The following GOSR1 variants were observed in gnomAD, a reference collection of about 807,000 sequenced individuals.
GOSR1 encodes the protein 28 kDa Golgi SNARE protein.
GOSR1 carries 21 observed loss-of-function variants against 35.5 expected under a neutral mutation model. The ratio of observed to expected loss-of-function variants is 0.59; its 90% confidence interval spans 0.42 to 0.85. The LOEUF (loss-of-function observed/expected upper bound fraction) is 0.85, where lower values mean the gene tolerates loss of function less well. Ranked by LOEUF, GOSR1 falls within the 40% of genes least tolerant of loss-of-function variation. The pLI is 0.00. For synonymous variants in GOSR1, 94 were observed against 106.6 expected (o/e 0.88, Z 0.73); for missense variants, 285 against 309.6 (o/e 0.92, Z 0.60).
intron 4 of GOSR1, among the ~76,000 whole-genome samples, chr17:30,488,718 A>G (rs2143669785): frequency 6.6e-6 from 1 of 150,882 alleles, no homozygotes; most frequent in East Asian, 2.0e-4. Context: ...TTGTGTTTTT[A>G]GTAGAGACGG....
rs940143459 is a variant in GOSR1, at chr17:30,515,879, G to A, written c.540-4060G>A. On this transcript the variant is annotated intron_variant, in intron 7 of 8. Coordinates refer to ENST00000451249, the MANE Select transcript of GOSR1 (RefSeq NM_001007025.2). ...AGAATAGGCCTAAAAGTATTGGGAA[G>A]ATGGGATTGTCAGCATTAAAACACA... is the stretch of plus-strand genomic sequence containing the variant. 2.6e-5 allele frequency among the ~76,000 whole-genome samples: 4 copies of A among 152,306 alleles called. No individual in the cohort carries two copies. The East Asian group carries it at 7.7e-4, about 29-fold the overall frequency.
At chr17:30,518,958 C>G (rs542166350) in intron 7 of GOSR1, among the ~76,000 whole-genome samples, 1 of 151,754 alleles carries the variant, frequency 6.6e-6, no homozygotes, top group Non-Finnish European at 1.5e-5. Context: ...CCCAACCCCC[C>G]CCAAAAAAAG....
At chr17:30,508,026 T>C (rs1452361310) in intron 6 of GOSR1, among the ~76,000 whole-genome samples, 1 of 152,202 alleles carries the variant, frequency 6.6e-6, no homozygotes, top group Non-Finnish European at 1.5e-5. Flanking sequence ...CAGCATCTTA[T>C]GGTACAGAGA....
intron 5 of GOSR1, among the ~76,000 whole-genome samples, chr17:30,490,669 A>G (rs1031235029): frequency 6.6e-6 from 1 of 152,204 alleles, no homozygotes; most frequent in African/African-American, 2.4e-5. Context: ...CAACAGTTAC[A>G]TATTACAAAC....
At chr17:30,518,088 T>C (rs1438096454) in intron 7 of GOSR1, among the ~76,000 whole-genome samples, 2 of 152,174 alleles carry the variant, frequency 1.3e-5, no homozygotes, top group Admixed American at 1.3e-4. Context: ...CTTTCCCAGC[T>C]TCAGTGCCTG....
chr17:30,520,222 G>T (rs1455242962), intron 8 of GOSR1: 3 of 448,006 alleles, frequency 6.7e-6, no homozygotes, highest in Non-Finnish European at 1.2e-5. Context: ...CACCTCAGAA[G>T]TTTCTTACTA....
intron 4 of GOSR1, among the ~76,000 whole-genome samples, chr17:30,489,564 T>C (rs1597767965): frequency 6.6e-6 from 1 of 152,320 alleles, no homozygotes; most frequent in East Asian, 1.9e-4. Flanking sequence ...ACAGGGACTC[T>C]GGGAGACAAG....
intron 4 of GOSR1, 43 bp downstream of exon 4, chr17:30,484,813 T>TG (rs1220808865): frequency 9.4e-7 from 1 of 1,063,020 alleles, no homozygotes; most frequent in African/African-American, 1.6e-5. Flanking sequence ...CACAGGAGTT[T>TG]GGGTTTTTTT....
Position 30,484,202 on chromosome 17 carries a change from ACTT to A in GOSR1, c.147-8_147-6del, listed in dbSNP as rs1375922521. 2.1e-6 allele frequency: 3 copies of A among 1,451,120 alleles called. No homozygotes were observed. Among genetic ancestry groups the A allele is most frequent in the African/African-American group, 1.4e-5 (1 of 71,744 alleles). 89.9% of individuals were successfully genotyped at this position (1,451,120 alleles called of 1,614,324 possible). On this transcript the variant is annotated splice_polypyrimidine_tract_variant and intron_variant, in intron 2 of 8. Coordinates refer to ENST00000451249, the MANE Select transcript of GOSR1 (RefSeq NM_001007025.2). ...TGAGTAATGGATCCTCTTTAACTGA[ACTT>A]CTTTTTAGTTCTGATACAACACCCC...
At position 30,525,615 on chromosome 17, in the gene GOSR1, G is replaced by A. The variant is rs1367086444; in HGVS notation, c.*3237G>A. 6.6e-6 allele frequency: 1 copy of A among 152,052 alleles called. No individual in the cohort carries two copies. The highest frequency in any genetic ancestry group is 2.4e-5 in the African/African-American group (1 of 41,388). 9.4% of individuals were successfully genotyped at this position (152,052 alleles called of 1,614,324 possible). ...TAAAATCTGAAGTATCATAAATAAA[G>A]TTATTTATTTAATTATACTACCAGT... is the stretch of plus-strand genomic sequence containing the variant. On this transcript the variant is annotated 3_prime_UTR_variant, in exon 9 of 9. Transcript: ENST00000451249.
chr17:30,481,788 T>C (rs1286030034), intron 2 of GOSR1, among the ~76,000 whole-genome samples: 1 of 152,166 alleles, frequency 6.6e-6, no homozygotes. Context: ...AATACATTCT[T>C]ATCTTTGAAG....
At chr17:30,484,529 GTTTGTTTTTTGT>G in intron 3 of GOSR1, 122 bp from the exon 4 acceptor site, 1 of 566,566 alleles carries the variant, frequency 1.8e-6, no homozygotes, top group Non-Finnish European at 3.0e-6. Context: ...TTGCTCTCTT[GTTTGTTTTTTGT>G]TTTGTTTTGT....
In GOSR1 at chr17:30,520,020, C is replaced by T. The variant is rs368813209; in HGVS notation, c.621C>T (p.Ala207=). 281 of 1,584,770 alleles carry T rather than the reference C, an allele frequency of 1.8e-4. 2 individuals carry two copies. Among genetic ancestry groups the T allele is most frequent in the South Asian group, 7.2e-4 (65 of 90,296 alleles). ...TTCACAGCAAAATGAACACTTTGGC[C>T]AGTATCCTTTTTGAATGTTCGCAGT... ...KSIHSKMNTL[A]NRFPAVNSLI... Residue 207 remains alanine (A), a splice_region_variant and synonymous_variant, in exon 8 of 9, where the codon GCC becomes GCT. Transcript: ENST00000451249.
At chr17:30,489,572 A>G (rs1914892616) in intron 4 of GOSR1, among the ~76,000 whole-genome samples, 1 of 152,194 alleles carries the variant, frequency 6.6e-6, no homozygotes, top group Non-Finnish European at 1.5e-5. Flanking sequence ...TCTGGGAGAC[A>G]AGATTTTGAT....
intron 1 of GOSR1, 112 bp from the exon 2 acceptor site, chr17:30,481,031 G>A (rs1271748321): frequency 2.8e-6 from 2 of 712,868 alleles, no homozygotes; most frequent in East Asian, 2.8e-5. Flanking sequence ...CTTTATGGGG[G>A]TAACAAGATC....
chr17:30,493,119 C>T (rs2143707446), intron 6 of GOSR1, among the ~76,000 whole-genome samples: 1 of 152,240 alleles, frequency 6.6e-6, no homozygotes, highest in East Asian at 1.9e-4. Flanking sequence ...CTCAGCCTCC[C>T]AAGTAGCTGG....
intron 6 of GOSR1, among the ~76,000 whole-genome samples, chr17:30,508,761 C>G (rs1967501969): frequency 6.6e-6 from 1 of 152,170 alleles, no homozygotes; most frequent in South Asian, 2.1e-4. Context: ...GTGCCAGGTA[C>G]TGATCCAATC....
chr17:30,477,764 A>T (rs1914040121), intron 1 of GOSR1: 2 of 985,156 alleles, frequency 2.0e-6, no homozygotes, highest in Non-Finnish European at 2.4e-6. Flanking sequence ...TGAGGGAGTA[A>T]TGGAACTCGG....
In GOSR1 at chr17:30,484,783, G is replaced by C. The variant is rs1914573170; in HGVS notation, c.342+13G>C. On this transcript the variant is annotated intron_variant, in intron 4 of 8. Coordinates refer to ENST00000451249, the MANE Select transcript of GOSR1 (RefSeq NM_001007025.2). ...AGACATATTGCAGGTAATATATTGG[G>C]CTCGAGATGTTTTCATTATCACAGG... 7.3e-7 allele frequency: 1 copy of C among 1,367,432 alleles called. No individual in the cohort carries two copies. The highest frequency in any genetic ancestry group is 1.4e-5 in the African/African-American group (1 of 70,024). The allele number at this position is 1,367,432 out of a possible 1,614,324, so 84.7% of individuals were successfully genotyped here. A position where few individuals can be genotyped will look rare whatever the true frequency, so the allele number is the denominator to read the frequency against.
Sources: gnomAD v4.1 joint callset for allele counts (sites outside exome capture counted in the v4.1 genomes callset) on GRCh38, gnomAD v4.1.1 for gene constraint, MANE v1.5 for transcripts, NCBI Gene and HGNC (gene_info 2026-07-23, HGNC 2026-07-21) for gene names.